Variants in FAT1 observed in about 807,000 individuals in gnomAD.
The protein encoded by FAT1 is protocadherin Fat 1.
Under a neutral mutation model 329.8 loss-of-function variants are expected in FAT1, and 171 were observed. That is an observed-to-expected ratio of 0.52 (90% CI 0.46 to 0.59). The LOEUF (loss-of-function observed/expected upper bound fraction) is 0.59. Ranked by LOEUF, FAT1 falls within the 20% of genes least tolerant of loss-of-function variation. FAT1 has a pLI of 0.00. For missense variants in FAT1, 5,672 were observed against 5,774.4 expected (o/e 0.98, Z 0.57); for synonymous variants, 2,233 against 2,228.6 (o/e 1.00, Z -0.06).
chr4:186,715,347 G>C (rs1425721303), intron 1 of FAT1, among the ~76,000 whole-genome samples: 1 of 152,060 alleles, frequency 6.6e-6, no homozygotes, highest in African/African-American at 2.4e-5. Context: ...AATACAGCTG[G>C]GACGGACTTG....
At chr4:186,681,371 A>C (rs896712587) in intron 2 of FAT1, among the ~76,000 whole-genome samples, 1 of 152,210 alleles carries the variant, frequency 6.6e-6, no homozygotes, top group Non-Finnish European at 1.5e-5. Context: ...CTAAAGCAAA[A>C]CCAAGATTTA....
At position 186,670,153 on chromosome 4, in the gene FAT1, A is replaced by G. The variant is rs549819053; in HGVS notation, c.3266-6540T>C. ...TGGCCCCCAATCAAGCCTTAATGCC[A>G]AGGCTTTCAACAAAGCCTCGTTACT... On this transcript the variant is annotated intron_variant, in intron 2 of 26. Transcript: ENST00000441802. 1.1e-4 allele frequency among the ~76,000 whole-genome samples: 17 copies of G among 152,304 alleles called. No homozygotes were observed. The South Asian group carries it at 3.3e-3, about 30-fold the overall frequency.
Position 186,636,692 on chromosome 4 carries a change from A to G in FAT1, c.3865T>C (p.Tyr1289His), listed in dbSNP as rs867394623. The stretch of plus-strand genomic sequence containing the variant: ...TGCTCATTCCCGTCTTCGATGCTGT[A>G]GGAGATTTCTGCATTGGGGCCCTCA... ...KDEGPNAEIS[Y>H]SIEDGNEHGK... The change falls in exon 5 of 27, where the codon TAC becomes CAC. Residue 1289 changes from tyrosine to histidine, a missense_variant. By Grantham distance (83) the Tyr-to-His change is moderately conservative. This residue lies in a region of FAT1 where 3,966 missense variants were observed against 3,915.2 expected (regional missense o/e 1.01). Transcript: ENST00000441802. The G allele has an allele frequency of 1.2e-6, 2 of 1,613,768 alleles. No individual in the cohort carries two copies. Among genetic ancestry groups the G allele is most frequent in the Middle Eastern group, 1.6e-4 (1 of 6,062 alleles).
At chr4:186,706,477 T>C (rs1461343804) in intron 2 of FAT1, 86 bp downstream of exon 2, 31 of 1,419,636 alleles carry the variant, frequency 2.2e-5, no homozygotes, top group South Asian at 5.7e-5. Flanking sequence ...ACAGGGAATT[T>C]TGAAGAAGCT....
intron 2 of FAT1, among the ~76,000 whole-genome samples, chr4:186,692,999 G>A (rs1390811669): frequency 2.0e-5 from 3 of 152,202 alleles, no homozygotes; most frequent in African/African-American, 7.2e-5. Flanking sequence ...AGAAAATGAA[G>A]TAGGAAGACG....
At chr4:186,647,215 C>G (rs978033550) in intron 3 of FAT1, among the ~76,000 whole-genome samples, 1 of 152,156 alleles carries the variant, frequency 6.6e-6, no homozygotes, top group Non-Finnish European at 1.5e-5. Flanking sequence ...TTAAACTGTC[C>G]TCTCACAGTT....
In FAT1 at chr4:186,628,216, T is replaced by A. The variant is rs1272317215; in HGVS notation, c.4748A>T (p.Gln1583Leu). Residue 1583 changes from glutamine (Q) to leucine (L), a missense_variant, in exon 9 of 27, where the codon CAG becomes CTG. Gln to Leu is a moderately radical substitution (Grantham distance 113). Transcript: ENST00000441802. ...ESAAVGSVVL[Q>L]VTALDKDKGK... ...TTTGTCCTTGTCCAGAGCCGTCACC[T>A]GCAACACAACTGAGCCAACGGCTGC... 1 of 1,613,964 alleles carries A rather than the reference T, an allele frequency of 6.2e-7. No individual in the cohort carries two copies. The highest frequency in any genetic ancestry group is 8.5e-7 in the Non-Finnish European group (1 of 1,179,874).
chr4:186,630,168 T>G (rs1740520988), intron 7 of FAT1, among the ~76,000 whole-genome samples: 2 of 152,238 alleles, frequency 1.3e-5, no homozygotes, highest in African/African-American at 4.8e-5. Flanking sequence ...CCAGGCAATG[T>G]TCTGCACATG....
rs1738746903 is a variant in FAT1 at position 186,600,261 on chromosome 4, C to A, written c.11740G>T (p.Val3914Leu). ...TAGTTTCCATTCACTTCCAGGGCCA[C>A]TGCGTGCCACTGCCCATCATTGACC... ...IQVNDGQWHAVALEVNGNYAR... is the reference protein window; with the variant it reads ...IQVNDGQWHALALEVNGNYAR... Residue 3914 changes from valine to leucine, a missense_variant, in exon 22 of 27, where the codon GTG (valine) becomes TTG (leucine). Physicochemically the swap from Val to Leu is conservative, Grantham distance 32. Coordinates refer to ENST00000441802, the MANE Select transcript of FAT1 (RefSeq NM_005245.4). 6.2e-7 allele frequency: 1 copy of A among 1,613,934 alleles called. No homozygotes were observed. The highest frequency in any genetic ancestry group is 8.5e-7 in the Non-Finnish European group (1 of 1,179,848).
At chr4:186,646,125 A>T (rs1741373845) in intron 3 of FAT1, among the ~76,000 whole-genome samples, 1 of 151,972 alleles carries the variant, frequency 6.6e-6, no homozygotes, top group Admixed American at 6.6e-5. Flanking sequence ...CCCCACACTG[A>T]AAGACAGGGT....
intron 26 of FAT1, among the ~76,000 whole-genome samples, chr4:186,591,987 G>C (rs1560913677): frequency 1.3e-5 from 2 of 152,126 alleles, no homozygotes; most frequent in Non-Finnish European, 2.9e-5. Flanking sequence ...AAATTCTAAA[G>C]TCCCAACCCA....
intron 2 of FAT1, among the ~76,000 whole-genome samples, chr4:186,697,560 C>T (rs565898679): frequency 9.9e-5 from 15 of 152,268 alleles, no homozygotes; most frequent in African/African-American, 2.4e-4. Context: ...CCTTGAATGA[C>T]GGTTTCTCCT....
intron 7 of FAT1, 70 bp downstream of exon 7, chr4:186,633,614 C>A: frequency 6.4e-7 from 1 of 1,566,966 alleles, no homozygotes; most frequent in Non-Finnish European, 8.8e-7. Context: ...CTCATATTGC[C>A]CGTGGACCCC....
intron 2 of FAT1, among the ~76,000 whole-genome samples, chr4:186,677,177 G>T (rs191458829): frequency 6.6e-6 from 1 of 151,918 alleles, no homozygotes; most frequent in Non-Finnish European, 1.5e-5. Flanking sequence ...AACTGAAGAC[G>T]AACTACTTAC....
At chr4:186,651,711 G>A (rs1003323769) in intron 3 of FAT1, among the ~76,000 whole-genome samples, 69 of 152,168 alleles carry the variant, frequency 4.5e-4, no homozygotes, top group Non-Finnish European at 6.8e-4. Context: ...AACACAGATT[G>A]CCTTGCTGGC....
chr4:186,717,961 T>G (rs1745291845), intron 1 of FAT1, among the ~76,000 whole-genome samples: 1 of 152,198 alleles, frequency 6.6e-6, no homozygotes, highest in Non-Finnish European at 1.5e-5. Flanking sequence ...TAATGTATTT[T>G]TCTCCACAAA....
chr4:186,639,690 CT>C (rs758033485), intron 4 of FAT1, 31 bp downstream of exon 4: 2 of 1,433,738 alleles, frequency 1.4e-6, no homozygotes, highest in South Asian at 2.4e-5. Flanking sequence ...AACTACGAAT[CT>C]TTAAGTATTA....
chr4:186,709,230 T>A lies in FAT1; in HGVS notation c.598A>T (p.Thr200Ser), dbSNP rs759289718. The change falls in exon 2 of 27, where the codon ACC becomes TCC. Residue 200 changes from threonine (T) to serine (S), a missense_variant. Physicochemically the swap from Thr to Ser is moderately conservative, Grantham distance 58. This residue lies in a region of FAT1 where 3,966 missense variants were observed against 3,915.2 expected (regional missense o/e 1.01). Transcript: ENST00000441802. ...DRTDMFAIHPTSGVIVLTGRL... is the reference protein window; with the variant it reads ...DRTDMFAIHPSSGVIVLTGRL... Reference sequence around the variant, plus strand: ...CCAGTTAACACTATCACACCACTGGTTGGGTGAATAGCAAACATATCTGTT... The same window carrying A: ...CCAGTTAACACTATCACACCACTGGATGGGTGAATAGCAAACATATCTGTT... 6.2e-7 allele frequency: 1 copy of A among 1,613,890 alleles called. No homozygotes were observed. Among genetic ancestry groups the A allele is most frequent in the African/African-American group, 1.3e-5 (1 of 74,910 alleles).
At chr4:186,592,987 T>C (rs1738317067) in intron 26 of FAT1, among the ~76,000 whole-genome samples, 1 of 152,206 alleles carries the variant, frequency 6.6e-6, no homozygotes, top group Non-Finnish European at 1.5e-5. Flanking sequence ...GTAAACATAT[T>C]TTATTGGAAT....
Sources: gnomAD v4.1 joint callset for allele counts (sites outside exome capture counted in the v4.1 genomes callset) on GRCh38, gnomAD v4.1.1 for gene constraint, gnomAD v4.1.1 regional missense constraint, MANE v1.5 for transcripts, NCBI Gene and HGNC (gene_info 2026-07-23, HGNC 2026-07-21) for gene names.